Variants in SUN1 observed in about 807,000 individuals in gnomAD.
SUN1 encodes the protein Sad1 and UNC84 domain containing 1.
A neutral mutation model predicts 103.2 loss-of-function variants in SUN1; 61 were observed. That is an observed-to-expected ratio of 0.59 (90% confidence interval 0.48 to 0.73). The LOEUF (loss-of-function observed/expected upper bound fraction) is 0.73, where lower values mean the gene tolerates loss of function less well. Ranked by LOEUF, SUN1 falls within the 30% of genes least tolerant of loss-of-function variation. SUN1 has a pLI of 0.00. For missense variants in SUN1, 1,052 were observed against 1,034.6 expected, an observed-to-expected ratio of 1.02 and a Z score of -0.23; for synonymous variants, 490 against 425.7, an observed-to-expected ratio of 1.15 and a Z score of -1.86.
rs368576552 is a variant in SUN1, at chr7:854,921, C to T, written c.1265C>T (p.Thr422Ile). 1 of 1,611,410 alleles carries T rather than the reference C, an allele frequency of 6.2e-7. No homozygotes were observed. The highest frequency in any genetic ancestry group is 1.3e-5 in the African/African-American group (1 of 74,792). Residue 422 changes from threonine (T) to isoleucine (I), a missense_variant and splice_region_variant, in exon 11 of 19, where the codon ACT becomes ATT. By Grantham distance (89) the Thr-to-Ile change is moderately conservative. Coordinates refer to ENST00000401592, the MANE Select transcript of SUN1 (RefSeq NM_001130965.3). ...RDAVGQPPRE[T>I]DFMAFHQEHE... ...TGTTCACTCCTTCTCTTTCCTAAGA[C>T]TGACTTTATGGCCTTTCACCAAGAA...
chr7:873,103 G>A (rs963215341), intron 18 of SUN1, 112 bp from the exon 19 acceptor site: 20 of 984,978 alleles, frequency 2.0e-5, no homozygotes, highest in Non-Finnish European at 2.4e-5. Flanking sequence ...AACAACAAAA[G>A]GTTAATTTCC....
chr7:831,869 C>A (rs960607768), upstream of SUN1: 2 of 209,920 alleles, frequency 9.5e-6, no homozygotes, highest in African/African-American at 2.4e-5. Context: ...GTATTTTTAG[C>A]CAGAGGAAAG....
At chr7:871,601 G>A (rs1385607780) in intron 17 of SUN1, among the ~76,000 whole-genome samples, 1 of 152,154 alleles carries the variant, frequency 6.6e-6, no homozygotes, top group Non-Finnish European at 1.5e-5. Context: ...TGTTGGCCAG[G>A]ATGGTCTCAA....
At chr7:837,024 C>T (rs1803965407) in intron 1 of SUN1, among the ~76,000 whole-genome samples, 1 of 152,242 alleles carries the variant, frequency 6.6e-6, no homozygotes, top group African/African-American at 2.4e-5. Context: ...GCCTGAGGAC[C>T]TGGGGACTGC....
chr7:825,405 T>TA (rs1177841988), intron 1 of SUN1, among the ~76,000 whole-genome samples: 2 of 152,184 alleles, frequency 1.3e-5, no homozygotes, highest in Admixed American at 1.3e-4. Flanking sequence ...ACCTGCTCTT[T>TA]AAAAAAATTT....
At chr7:828,891 G>A (rs1373754114), upstream of SUN1, among the ~76,000 whole-genome samples, 1 of 152,236 alleles carries the variant, frequency 6.6e-6, no homozygotes, top group Non-Finnish European at 1.5e-5. Flanking sequence ...GAGAACCCAT[G>A]TCCAGGGCTT....
Position 857,778 on chromosome 7 carries a change from G to T in SUN1, c.1395-50G>T, listed in dbSNP as rs373560262. 6 of 1,501,794 alleles carry T rather than the reference G, an allele frequency of 4.0e-6. No individual in the cohort carries two copies. In the East Asian group the frequency reaches 1.4e-4, roughly 35 times the overall value. The allele number at this position is 1,501,794 out of a possible 1,614,324, so 93.0% of individuals were successfully genotyped here. A position where few individuals can be genotyped will look rare whatever the true frequency, so the allele number is the denominator to read the frequency against. On this transcript the variant is annotated intron_variant, in intron 12 of 18. Coordinates refer to ENST00000401592, the MANE Select transcript of SUN1 (RefSeq NM_001130965.3). The stretch of plus-strand genomic sequence containing the variant: ...TCAGCCTGTGTGTAGTGTGGGAAGC[G>T]TATAGGCTGGGAGGCTTGTGTGTGA...
At chr7:858,059 A>C in intron 13 of SUN1, 102 bp downstream of exon 13, 3 of 1,353,416 alleles carry the variant, frequency 2.2e-6, no homozygotes, top group Non-Finnish European at 2.9e-6. Flanking sequence ...TTATTTATTT[A>C]TTTATTTTTG....
upstream of SUN1, chr7:831,928 C>A: frequency 1.9e-6 from 1 of 515,306 alleles, no homozygotes; most frequent in Non-Finnish European, 2.5e-6. Flanking sequence ...AAACAATATA[C>A]TCAACACTTT....
intron 13 of SUN1, 59 bp downstream of exon 13, chr7:858,016 T>G: frequency 6.7e-7 from 1 of 1,490,098 alleles, no homozygotes; most frequent in Non-Finnish European, 9.0e-7. Flanking sequence ...AAAACTTGAA[T>G]TGATGACTTA....
At chr7:853,187 C>A in intron 9 of SUN1, 1 of 736,330 alleles carries the variant, frequency 1.4e-6, no homozygotes, top group Non-Finnish European at 2.2e-6. Flanking sequence ...TAGTATTCAT[C>A]ACTGTACAAA....
intron 1 of SUN1, among the ~76,000 whole-genome samples, chr7:820,152 A>G (rs1784630751): frequency 6.6e-6 from 1 of 152,216 alleles, no homozygotes; most frequent in African/African-American, 2.4e-5. Context: ...GAATCTGTAC[A>G]TCACTGTGGG....
intron 1 of SUN1, among the ~76,000 whole-genome samples, chr7:821,624 A>G (rs1786113936): frequency 6.6e-6 from 1 of 152,182 alleles, no homozygotes; most frequent in Non-Finnish European, 1.5e-5. Context: ...CTTACAGTAA[A>G]TGCCAGGGAG....
upstream of SUN1, among the ~76,000 whole-genome samples, chr7:828,051 G>A (rs999363756): frequency 2.0e-5 from 3 of 150,288 alleles, no homozygotes; most frequent in Non-Finnish European, 3.0e-5. Context: ...TTACAAGCAC[G>A]CACCACCACA....
chr7:866,408 G>A (rs572757381), intron 16 of SUN1, among the ~76,000 whole-genome samples: 1 of 152,268 alleles, frequency 6.6e-6, no homozygotes, highest in Non-Finnish European at 1.5e-5. Context: ...CGTCACGAGA[G>A]TGGCAGCTGT....
Position 861,452 on chromosome 7 carries a change from C to T in SUN1, c.1852C>T (p.Leu618=), listed in dbSNP as rs1832157939. The T allele has an allele frequency of 1.9e-6, 3 of 1,614,042 alleles. No individual in the cohort carries two copies. Among genetic ancestry groups the T allele is most frequent in the Non-Finnish European group, 2.5e-6 (3 of 1,180,026 alleles). The part of the protein sequence containing the change: ...QDKTGMVDFA[L]ESGGGSILST... ...TAAGACCGGGATGGTGGACTTTGCT[C>T]TGGAATCTGGTGGTGAGTAAATAGA... Residue 618 remains leucine (L), a synonymous_variant, in exon 15 of 19, where the codon CTG becomes TTG. Coordinates refer to ENST00000401592, the MANE Select transcript of SUN1 (RefSeq NM_001130965.3).
intron 18 of SUN1, among the ~76,000 whole-genome samples, 192 bp downstream of exon 18, chr7:872,754 T>C (rs1436014284): frequency 6.6e-6 from 1 of 152,238 alleles, no homozygotes; most frequent in Non-Finnish European, 1.5e-5. Flanking sequence ...TACCCGTGCT[T>C]CATGCCCTGT....
intron 16 of SUN1, chr7:868,432 G>T: frequency 6.9e-6 from 2 of 290,918 alleles, no homozygotes; most frequent in Non-Finnish European, 6.8e-6. Flanking sequence ...CCGTGGCCGG[G>T]TTAGGTTAGA....
intron 5 of SUN1, chr7:848,517 TGAA>T: frequency 2.9e-6 from 4 of 1,364,188 alleles, no homozygotes; most frequent in Non-Finnish European, 3.9e-6. Context: ...GTGGTTTTAA[TGAA>T]GCTCAGTTAT....
Sources: allele counts gnomAD v4.1 joint callset (sites outside exome capture counted in the v4.1 genomes callset), GRCh38; gene constraint gnomAD v4.1.1; transcripts MANE v1.5; gene names NCBI Gene and HGNC (gene_info 2026-07-23, HGNC 2026-07-21).